ACSF2: variants seen among roughly 807,000 people sequenced by gnomAD.
ACSF2 encodes the protein medium-chain acyl-CoA ligase ACSF2, mitochondrial.
A neutral mutation model predicts 79.3 loss-of-function variants in ACSF2; 52 were observed. That is an observed-to-expected ratio of 0.66 (90% CI 0.53 to 0.83). ACSF2 has a LOEUF of 0.83. Ranked by LOEUF, ACSF2 falls within the 40% of genes least tolerant of loss-of-function variation. The pLI is 0.00. For missense variants in ACSF2, 661 were observed against 803.3 expected (o/e 0.82, Z 2.14); for synonymous variants, 283 against 312.6 (o/e 0.91, Z 1.00).
In ACSF2 at chr17:50,474,453, G is replaced by C. The variant is rs780721909; in HGVS notation, c.1798-49G>C. On this transcript the variant is annotated intron_variant, in intron 15 of 15. Transcript: ENST00000300441. This position sits in a 1 kb window ranked among gnomAD's most constrained non-coding sequence, Gnocchi z 4.2. ...AGAGCCTGAGAAACCCCTTATTCTT[G>C]GGTGAACCAAGACAGCTGGTAACCC... is the stretch of plus-strand genomic sequence containing the variant. 2.5e-6 allele frequency: 4 copies of C among 1,599,164 alleles called. No individual in the cohort carries two copies. The highest frequency in any genetic ancestry group is 3.4e-6 in the Non-Finnish European group (4 of 1,166,948).
intron 5 of ACSF2, 45 bp from the exon 6 acceptor site, chr17:50,462,375 C>A: frequency 6.3e-7 from 1 of 1,596,100 alleles, no homozygotes; most frequent in Non-Finnish European, 8.6e-7. Flanking sequence ...ACCCACCCTG[C>A]CCCCTCCCTC....
intron 12 of ACSF2, chr17:50,473,352 C>A: frequency 3.0e-6 from 1 of 329,228 alleles, no homozygotes; most frequent in Non-Finnish European, 5.7e-6. Flanking sequence ...GGGAGCTTCC[C>A]TTAGATTGAG....
chr17:50,472,579 G>A lies in ACSF2; in HGVS notation c.1475G>A (p.Gly492Glu). ...GATCAGGACAAGTGGTATTGGACAGGGTGAGAAGGCAGGGCGGGGTGGAGG... is the reference window on the plus strand; with the variant it reads ...GATCAGGACAAGTGGTATTGGACAGAGTGAGAAGGCAGGGCGGGGTGGAGG... Reference protein sequence around the residue: ...AVDQDKWYWTGDVATMNEQGF... With the variant: ...AVDQDKWYWTEDVATMNEQGF... Residue 492 changes from glycine to glutamate, a missense_variant and splice_region_variant, in exon 12 of 16, where the codon GGA becomes GAA. Coordinates refer to ENST00000300441, the MANE Select transcript of ACSF2 (RefSeq NM_025149.6). 2 of 1,588,622 alleles carry A rather than the reference G, an allele frequency of 1.3e-6. No homozygotes were observed. Among genetic ancestry groups the A allele is most frequent in the Non-Finnish European group, 1.7e-6 (2 of 1,167,326 alleles).
chr17:50,460,931 C>T, intron 2 of ACSF2, 59 bp downstream of exon 2: 1 of 1,535,242 alleles, frequency 6.5e-7, no homozygotes, highest in South Asian at 1.2e-5. Context: ...GCTGCCCTAG[C>T]TGGGCAGAAC....
At chr17:50,472,186 C>G in intron 11 of ACSF2, 1 of 497,550 alleles carries the variant, frequency 2.0e-6, no homozygotes, top group South Asian at 2.8e-5. Context: ...ACTCTGTTTC[C>G]TCAGCCCTCC....
rs2032512677 is a variant in ACSF2, at chr17:50,463,936, C to T, written c.1138+27C>T. On this transcript the variant is annotated intron_variant, in intron 9 of 15. Coordinates refer to ENST00000300441, the MANE Select transcript of ACSF2 (RefSeq NM_025149.6). This position sits in a 1 kb window ranked among gnomAD's most constrained non-coding sequence, Gnocchi z 4.6. ...TGGGGTGGGGCCAAGGGCAGCCAGG[C>T]TTGGGGAGGGGGCTGCTTCCCCCAC... 1 of 1,603,070 alleles carries T rather than the reference C, an allele frequency of 6.2e-7. No individual in the cohort carries two copies. The highest frequency in any genetic ancestry group is 8.5e-7 in the Non-Finnish European group (1 of 1,171,590).
rs187506037 is a variant in ACSF2 at position 50,443,019 on chromosome 17, C to T, written c.128+16630C>T. Among the ~76,000 whole-genome samples the T allele has an allele frequency of 3.2e-3, 494 of 152,026 alleles. 4 individuals carry two copies. The highest frequency in any genetic ancestry group is 4.6e-3 in the Non-Finnish European group (313 of 67,986). On this transcript the variant is annotated intron_variant, in intron 1 of 15. Transcript: ENST00000300441. ...CCGCCTCCTGGGTTCAACTGATTCTCGTGCCTCAGCCTCCCGAATAGCTGG... is the reference window on the plus strand; with the variant it reads ...CCGCCTCCTGGGTTCAACTGATTCTTGTGCCTCAGCCTCCCGAATAGCTGG...
intron 1 of ACSF2, among the ~76,000 whole-genome samples, chr17:50,437,486 CTAAA>C (rs1179240951): frequency 1.8e-4 from 27 of 151,920 alleles, no homozygotes; most frequent in Admixed American, 1.8e-3. Context: ...CCTGTCTCTA[CTAAA>C]TAAATAAATA....
chr17:50,440,991 G>A (rs369322776), intron 1 of ACSF2, among the ~76,000 whole-genome samples: 3 of 152,258 alleles, frequency 2.0e-5, no homozygotes, highest in East Asian at 3.8e-4. Flanking sequence ...GGGCCATCCC[G>A]GGAGGGGCTC....
At position 50,474,585 on chromosome 17, in the gene ACSF2, T is replaced by G; in HGVS notation, c.*33T>G. The stretch of plus-strand genomic sequence containing the variant: ...AGCAGGCCTGTCCTGGCCGGTTGGC[T>G]TGACTCTCTCCTGTCAGAATGCAAC... On this transcript the variant is annotated 3_prime_UTR_variant, in exon 16 of 16. Transcript: ENST00000300441. The surrounding 1 kb of genome is among the most constrained non-coding windows in gnomAD (Gnocchi z 4.2). 1 of 1,610,472 alleles carries G rather than the reference T, an allele frequency of 6.2e-7. No homozygotes were observed. The highest frequency in any genetic ancestry group is 8.5e-7 in the Non-Finnish European group (1 of 1,176,910).
chr17:50,455,131 C>T (rs1431012290), intron 1 of ACSF2, among the ~76,000 whole-genome samples: 1 of 152,178 alleles, frequency 6.6e-6, no homozygotes, highest in Non-Finnish European at 1.5e-5. Flanking sequence ...TACAGGCGTG[C>T]ACCACCACGC....
Position 50,463,301 on chromosome 17 carries a change from C to A in ACSF2, c.888+50C>A. On this transcript the variant is annotated intron_variant, in intron 7 of 15. Coordinates refer to ENST00000300441, the MANE Select transcript of ACSF2 (RefSeq NM_025149.6). This position sits in a 1 kb window ranked among gnomAD's most constrained non-coding sequence, Gnocchi z 4.6. ...AAGGCTGCAGGAGGGGTGGCTCAGGCAGGGGTGGGGGGCTGGCTGGGCTCC... is the reference window on the plus strand; with the variant it reads ...AAGGCTGCAGGAGGGGTGGCTCAGGAAGGGGTGGGGGGCTGGCTGGGCTCC... 2 of 1,611,932 alleles carry A rather than the reference C, an allele frequency of 1.2e-6. No individual in the cohort carries two copies. Among genetic ancestry groups the A allele is most frequent in the Non-Finnish European group, 1.7e-6 (2 of 1,178,712 alleles).
At chr17:50,460,613 C>A in intron 1 of ACSF2, 64 bp from the exon 2 acceptor site, 3 of 1,494,266 alleles carry the variant, frequency 2.0e-6, no homozygotes, top group East Asian at 2.4e-5. Flanking sequence ...GCTGGGTGTG[C>A]CATGCCCTTG....
At position 50,474,270 on chromosome 17, in the gene ACSF2, G is replaced by A. The variant is rs778139486; in HGVS notation, c.1797+3G>A. On this transcript the variant is annotated splice_donor_region_variant and intron_variant, in intron 15 of 15. Transcript: ENST00000300441. The surrounding 1 kb of genome is among the most constrained non-coding windows in gnomAD (Gnocchi z 4.2). ...ACCCCCTCACCATTTCAGGAAAGGT[G>A]TGTAAGGTGGAGGAGGCTGGGGAGG... 6.2e-6 allele frequency: 10 copies of A among 1,614,150 alleles called. No individual in the cohort carries two copies. In the South Asian group the frequency reaches 8.8e-5, roughly 14 times the overall value.
At position 50,430,860 on chromosome 17, in the gene ACSF2, A is replaced by C. The variant is rs184613584; in HGVS notation, c.128+4471A>C. On this transcript the variant is annotated intron_variant, in intron 1 of 15. Coordinates refer to ENST00000300441, the MANE Select transcript of ACSF2 (RefSeq NM_025149.6). The stretch of plus-strand genomic sequence containing the variant: ...CAATTGTCCCTGGGAAGGAAGGAGC[A>C]TGACTGAAGTCTCATGTCTCTCTGG... Among the ~76,000 whole-genome samples the C allele has an allele frequency of 6.4e-3, 982 of 152,330 alleles. 9 individuals are homozygous for C. The highest frequency in any genetic ancestry group is 0.011 in the Non-Finnish European group (719 of 68,030).
At position 50,473,600 on chromosome 17, in the gene ACSF2, C is replaced by T. The variant is rs762130668; in HGVS notation, c.1476-65C>T. ...TAGTAGCTGGTCAATAAATGTTTCA[C>T]GACTGAGCAAGCAAGTGAGTGAACA... is the stretch of plus-strand genomic sequence containing the variant. On this transcript the variant is annotated intron_variant, in intron 12 of 15. Coordinates refer to ENST00000300441, the MANE Select transcript of ACSF2 (RefSeq NM_025149.6). The T allele has an allele frequency of 3.6e-5, 58 of 1,607,988 alleles. 1 individual carries two copies. The highest frequency in any genetic ancestry group is 4.4e-5 in the Non-Finnish European group (52 of 1,176,148).
chr17:50,464,005 T>C lies in ACSF2; in HGVS notation c.1138+96T>C, dbSNP rs139929707. The C allele has an allele frequency of 1.0e-3, 852 of 813,806 alleles. 3 individuals are homozygous for C. The African/African-American group carries it at 0.015, about 14-fold the overall frequency. The allele number at this position is 813,806 out of a possible 1,614,324, so 50.4% of individuals were successfully genotyped here. A position where few individuals can be genotyped will look rare whatever the true frequency, so the allele number is the denominator to read the frequency against. On this transcript the variant is annotated intron_variant, in intron 9 of 15. Coordinates refer to ENST00000300441, the MANE Select transcript of ACSF2 (RefSeq NM_025149.6). ...TTAGCTATGCTCCCAGTCTTTTATA[T>C]AGGGGGCAAGAAGGACGCTGTAAAA...
rs1399969708 is a variant in ACSF2 at position 50,460,807 on chromosome 17, G to A, written c.259G>A (p.Glu87Lys). Residue 87 changes from glutamate (E) to lysine (K), a missense_variant, in exon 2 of 16, where the codon GAA (glutamate) becomes AAA (lysine). Coordinates refer to ENST00000300441, the MANE Select transcript of ACSF2 (RefSeq NM_025149.6). ...GGAGACCACAGCACAGAGGGTCCCA[G>A]AACGAGAGGCCTTGGTCGTCCTCCA... ...CLETTAQRVP[E>K]REALVVLHED... 2.5e-6 allele frequency: 4 copies of A among 1,612,500 alleles called. No individual in the cohort carries two copies. In the African/African-American group the frequency reaches 4.0e-5, roughly 16 times the overall value.
chr17:50,468,238 G>T (rs753147130), intron 10 of ACSF2: 12 of 1,612,294 alleles, frequency 7.4e-6, no homozygotes, highest in East Asian at 2.2e-5. Flanking sequence ...TCTCCACGTC[G>T]TCCAGGGCCC....
Sources: gnomAD v4.1 joint callset for allele counts (sites outside exome capture counted in the v4.1 genomes callset) on GRCh38, gnomAD v4.1.1 for gene constraint, Gnocchi (gnomAD v3.1) non-coding constraint, MANE v1.5 for transcripts, NCBI Gene and HGNC (gene_info 2026-07-23, HGNC 2026-07-21) for gene names.